LHFPL3: variants seen among roughly 807,000 people sequenced by gnomAD.
The protein encoded by LHFPL3 is LHFPL tetraspan subfamily member 3 protein.
In LHFPL3, 5 loss-of-function variants were observed where a neutral mutation model predicts 19.3. The observed-to-expected ratio is 0.26, with a 90% CI of 0.14 to 0.54. The LOEUF is 0.54. LHFPL3 is among the 20% of genes least tolerant of loss of function. The probability of loss-of-function intolerance (pLI) is 0.94; values close to 1 mark genes in which losing one functional copy is unlikely to be tolerated. For synonymous variants in LHFPL3, 133 were observed against 126.2 expected (o/e 1.05, Z -0.36); for missense variants, 249 against 307.4 (o/e 0.81, Z 1.42).
intron 2 of LHFPL3, among the ~76,000 whole-genome samples, chr7:104,745,900 G>C (rs369827953): frequency 3.5e-4 from 54 of 152,284 alleles, no homozygotes; most frequent in South Asian, 2.9e-3. Flanking sequence ...AGTAACTTAG[G>C]GGTGATAAAA....
intron 1 of LHFPL3, among the ~76,000 whole-genome samples, chr7:104,624,445 A>G (rs1228367458): frequency 6.6e-6 from 1 of 152,092 alleles, no homozygotes; most frequent in East Asian, 1.9e-4. Context: ...TCTCCTTAGA[A>G]CTCATTTTCC....
At chr7:104,372,747 T>G (rs1241474139) in intron 1 of LHFPL3, among the ~76,000 whole-genome samples, 1 of 152,194 alleles carries the variant, frequency 6.6e-6, no homozygotes, top group Non-Finnish European at 1.5e-5. Context: ...ACAAGAGATG[T>G]CGTTATAAAT....
At chr7:104,661,957 A>T (rs1792230999) in intron 1 of LHFPL3, among the ~76,000 whole-genome samples, 2 of 152,192 alleles carry the variant, frequency 1.3e-5, no homozygotes, top group South Asian at 4.2e-4. Context: ...ATGACAGTCG[A>T]TCTAATAACT....
chr7:104,572,196 C>T (rs1255634323), intron 1 of LHFPL3, among the ~76,000 whole-genome samples: 3 of 152,114 alleles, frequency 2.0e-5, no homozygotes, highest in African/African-American at 4.8e-5. Flanking sequence ...AAAGTTATTG[C>T]GATTTTTGCC....
At chr7:104,872,527 C>T (rs1405732588) in intron 2 of LHFPL3, among the ~76,000 whole-genome samples, 1 of 151,780 alleles carries the variant, frequency 6.6e-6, no homozygotes, top group Non-Finnish European at 1.5e-5. Context: ...GGCCTGTAAT[C>T]CCAGCTACTC....
chr7:104,369,110 TG>T (rs1790558465), intron 1 of LHFPL3, among the ~76,000 whole-genome samples: 1 of 152,188 alleles, frequency 6.6e-6, no homozygotes, highest in Non-Finnish European at 1.5e-5. Context: ...TACAATTCAA[TG>T]AGTTTTAGTA....
At chr7:104,532,625 C>G (rs1215660714) in intron 1 of LHFPL3, among the ~76,000 whole-genome samples, 1 of 152,152 alleles carries the variant, frequency 6.6e-6, no homozygotes, top group African/African-American at 2.4e-5. Context: ...CCCCATCTTC[C>G]TACACCTCAT....
chr7:104,766,665 T>C (rs920595137), intron 2 of LHFPL3, among the ~76,000 whole-genome samples: 1 of 152,190 alleles, frequency 6.6e-6, no homozygotes, highest in African/African-American at 2.4e-5. Flanking sequence ...ACCATACTTC[T>C]AATCTTGTGC....
chr7:104,543,265 C>T (rs139670110), intron 1 of LHFPL3, among the ~76,000 whole-genome samples: 60 of 152,232 alleles, frequency 3.9e-4, no homozygotes, highest in Middle Eastern at 3.4e-3. Flanking sequence ...CAGGAAACAA[C>T]AGGTGCTGGA....
intron 2 of LHFPL3, chr7:104,757,582 C>CA (rs953019860): frequency 2.0e-5 from 3 of 151,904 alleles, no homozygotes; most frequent in African/African-American, 4.8e-5. Context: ...TACAAGTAGA[C>CA]AAAAAACATA....
intron 1 of LHFPL3, among the ~76,000 whole-genome samples, chr7:104,359,670 G>C (rs1052989114): frequency 6.6e-6 from 1 of 152,174 alleles, no homozygotes; most frequent in African/African-American, 2.4e-5. Flanking sequence ...ACAGTCTAGC[G>C]GGGAGGAAAT....
chr7:104,827,808 C>G (rs1584559294), intron 2 of LHFPL3, among the ~76,000 whole-genome samples: 1 of 151,852 alleles, frequency 6.6e-6, no homozygotes, highest in African/African-American at 2.4e-5. Flanking sequence ...GTTCATCTCA[C>G]CACGTGAACT....
At chr7:104,525,924 T>G (rs1014371048) in intron 1 of LHFPL3, among the ~76,000 whole-genome samples, 1 of 152,050 alleles carries the variant, frequency 6.6e-6, no homozygotes, top group Admixed American at 6.6e-5. Flanking sequence ...CTTTTGACTC[T>G]GCTTATCTCT....
intron 1 of LHFPL3, among the ~76,000 whole-genome samples, chr7:104,646,200 T>G (rs1791930509): frequency 6.6e-6 from 1 of 152,224 alleles, no homozygotes; most frequent in Non-Finnish European, 1.5e-5. Flanking sequence ...GTACATTATG[T>G]GCACCAACAA....
intron 1 of LHFPL3, among the ~76,000 whole-genome samples, chr7:104,516,275 C>T (rs939898226): frequency 2.0e-5 from 3 of 151,992 alleles, no homozygotes; most frequent in African/African-American, 7.2e-5. Flanking sequence ...CTCACTATCA[C>T]AGGAATAGCA....
intron 1 of LHFPL3, among the ~76,000 whole-genome samples, chr7:104,612,769 T>C (rs1258190152): frequency 6.6e-6 from 1 of 152,200 alleles, no homozygotes; most frequent in African/African-American, 2.4e-5. Context: ...ACTACTTTGC[T>C]TAGAGGGACT....
intron 1 of LHFPL3, among the ~76,000 whole-genome samples, chr7:104,496,290 G>A (rs1013082114): frequency 6.6e-6 from 1 of 152,200 alleles, no homozygotes; most frequent in Non-Finnish European, 1.5e-5. Flanking sequence ...CCCTACAAAG[G>A]ACATGAATTC....
rs183815367 is a variant in LHFPL3, at chr7:104,371,604, A to G, written c.445+42380A>G. Among the ~76,000 whole-genome samples, 49 of 151,976 alleles carry G rather than the reference A, an allele frequency of 3.2e-4. 1 individual carries two copies. The highest frequency in any genetic ancestry group is 5.2e-4 in the Admixed American group (8 of 15,274). ...TTAACTTGCAAATTCTGGAGTAGTG[A>G]TATTACCATGACTTTCCTCAACTGA... is the stretch of plus-strand genomic sequence containing the variant. On this transcript the variant is annotated intron_variant, in intron 1 of 2. Coordinates refer to ENST00000424859, the MANE Select transcript of LHFPL3 (RefSeq NM_199000.3).
chr7:104,473,454 A>G (rs1403908167), intron 1 of LHFPL3, among the ~76,000 whole-genome samples: 4 of 152,236 alleles, frequency 2.6e-5, no homozygotes, highest in South Asian at 2.1e-4. Flanking sequence ...ATGCCTTATT[A>G]TTATAATCTT....
Sources: allele counts gnomAD v4.1 joint callset (sites outside exome capture counted in the v4.1 genomes callset), GRCh38; gene constraint gnomAD v4.1.1; transcripts MANE v1.5; gene names NCBI Gene and HGNC (gene_info 2026-07-23, HGNC 2026-07-21).